The following DACH2 variants were observed in gnomAD, a reference collection of about 807,000 sequenced individuals.
DACH2 encodes dachshund family transcription factor 2.
A neutral mutation model predicts 35.8 loss-of-function variants in DACH2; 17 were observed. The observed-to-expected ratio is 0.48, with a 90% CI of 0.33 to 0.71. DACH2 has a LOEUF of 0.71. DACH2 is among the 30% of genes least tolerant of loss of function. The pLI is 0.02. For synonymous variants in DACH2, 195 were observed against 177.3 expected, an observed-to-expected ratio of 1.10 and a Z score of -0.79; for missense variants, 469 against 472.7, an observed-to-expected ratio of 0.99 and a Z score of 0.07.
chrX:86,488,846 A>G (rs912097982), intron 2 of DACH2, among the ~76,000 whole-genome samples: 2 of 111,837 alleles, frequency 1.8e-5, no homozygotes, highest in East Asian at 5.6e-4. Flanking sequence ...AAAGTATTAA[A>G]TGAGTCAATA....
chrX:86,391,282 TAAAAAAAAAAAAAAAA>T (rs55941702), intron 2 of DACH2, among the ~76,000 whole-genome samples: 9 of 21,432 alleles, frequency 4.2e-4, no homozygotes, highest in Admixed American at 1.9e-3. Flanking sequence ...GGCTCTGTCT[TAAAAAAAAAAAAAAAA>T]AAAAAAAAAA....
chrX:86,684,701 T>C (rs1347624154), intron 4 of DACH2, among the ~76,000 whole-genome samples: 1 of 110,710 alleles, frequency 9.0e-6, no homozygotes, highest in Non-Finnish European at 1.9e-5. Context: ...TGTAAATATA[T>C]AATATTACAA....
intron 3 of DACH2, among the ~76,000 whole-genome samples, chrX:86,631,008 T>A (rs756348051): frequency 8.9e-6 from 1 of 112,167 alleles, no homozygotes; most frequent in Non-Finnish European, 1.9e-5. Flanking sequence ...ATAGTCAACT[T>A]CTAGTGCTCA....
chrX:86,743,314 G>A (rs925352749), intron 7 of DACH2, among the ~76,000 whole-genome samples: 2 of 111,117 alleles, frequency 1.8e-5, no homozygotes, highest in Non-Finnish European at 3.8e-5. Flanking sequence ...GTTCAAGGAA[G>A]ATAGAGAAAG....
rs148396607 is a variant in DACH2, at chrX:86,237,171, G to A, written c.488+88063G>A. Among the ~76,000 whole-genome samples the A allele has an allele frequency of 1.5e-3, 168 of 111,614 alleles. 3 individuals are homozygous for A. In the East Asian group the frequency reaches 0.046, roughly 31 times the overall value. On this transcript the variant is annotated intron_variant, in intron 1 of 11. Coordinates refer to ENST00000373125, the MANE Select transcript of DACH2 (RefSeq NM_053281.3). ...GTCTTGCACTGAAAGTTCTTCTGGC[G>A]CAATAACACACATAGGGCTGCCATC... is the stretch of plus-strand genomic sequence containing the variant.
chrX:86,337,160 AT>A (rs2035326856), intron 1 of DACH2, among the ~76,000 whole-genome samples: 1 of 111,410 alleles, frequency 9.0e-6, no homozygotes, highest in Non-Finnish European at 1.9e-5. Flanking sequence ...TCTTCAGGAT[AT>A]TACCCAGGAG....
At chrX:86,421,957 C>A (rs914450155) in intron 2 of DACH2, among the ~76,000 whole-genome samples, 2 of 111,007 alleles carry the variant, frequency 1.8e-5, no homozygotes, top group African/African-American at 3.3e-5. Flanking sequence ...TGTAATACAC[C>A]AAGTGAGAGA....
At chrX:86,794,438 T>C (rs1200050310) in intron 7 of DACH2, among the ~76,000 whole-genome samples, 1 of 110,953 alleles carries the variant, frequency 9.0e-6, no homozygotes, top group Non-Finnish European at 1.9e-5. Context: ...ACCACTATTG[T>C]GTTACAGTTT....
At chrX:86,759,948 T>TTTC (rs2041864590) in intron 7 of DACH2, among the ~76,000 whole-genome samples, 1 of 112,116 alleles carries the variant, frequency 8.9e-6, no homozygotes, top group Non-Finnish European at 1.9e-5. Context: ...GAAAAAATTA[T>TTTC]TTCTTCTTAA....
chrX:86,567,266 C>A (rs1178655455), intron 3 of DACH2, among the ~76,000 whole-genome samples: 1 of 111,689 alleles, frequency 9.0e-6, no homozygotes, highest in Admixed American at 9.5e-5. Flanking sequence ...TCATGATTAT[C>A]TTTTTTCCAA....
intron 7 of DACH2, among the ~76,000 whole-genome samples, chrX:86,789,338 T>C (rs978222192): frequency 8.9e-6 from 1 of 111,911 alleles, no homozygotes; most frequent in Non-Finnish European, 1.9e-5. Flanking sequence ...AGGTTAGATC[T>C]TTAAAGGATG....
At chrX:86,299,172 G>A (rs1272842247) in intron 1 of DACH2, among the ~76,000 whole-genome samples, 1 of 112,067 alleles carries the variant, frequency 8.9e-6, no homozygotes, top group Non-Finnish European at 1.9e-5. Context: ...ACTTTTATAA[G>A]GTACACAAAT....
chrX:86,267,384 T>A (rs998560534), intron 1 of DACH2, among the ~76,000 whole-genome samples: 1 of 112,164 alleles, frequency 8.9e-6, no homozygotes, highest in Non-Finnish European at 1.9e-5. Context: ...GTTTATGGAA[T>A]TTTATGTTTG....
chrX:86,726,494 G>T (rs976069831), intron 6 of DACH2, among the ~76,000 whole-genome samples: 5 of 111,110 alleles, frequency 4.5e-5, no homozygotes, highest in Non-Finnish European at 7.5e-5. Context: ...ATTGTCCTAG[G>T]GGTGTGTGGG....
chrX:86,533,474 C>A (rs1412487924), intron 3 of DACH2, among the ~76,000 whole-genome samples: 2 of 111,388 alleles, frequency 1.8e-5, no homozygotes, highest in African/African-American at 6.5e-5. Context: ...AAATAAACTT[C>A]TCTCTGTTCT....
intron 1 of DACH2, among the ~76,000 whole-genome samples, chrX:86,340,776 A>T (rs1232013474): frequency 8.9e-6 from 1 of 112,197 alleles, no homozygotes; most frequent in Non-Finnish European, 1.9e-5. Flanking sequence ...ACACACGGAT[A>T]ATAAAGTGAA....
intron 1 of DACH2, among the ~76,000 whole-genome samples, chrX:86,199,219 T>G (rs2032078387): frequency 9.0e-6 from 1 of 111,477 alleles, no homozygotes. Flanking sequence ...TCGGCAGCAC[T>G]TCATGTTACA....
chrX:86,413,535 G>T (rs973031852), intron 2 of DACH2, among the ~76,000 whole-genome samples: 1 of 112,027 alleles, frequency 8.9e-6, no homozygotes, highest in Non-Finnish European at 1.9e-5. Context: ...TTTGTCTTCT[G>T]CACAGGCCAA....
chrX:86,445,127 A>G (rs779394084), intron 2 of DACH2, among the ~76,000 whole-genome samples: 2 of 110,306 alleles, frequency 1.8e-5, no homozygotes, highest in South Asian at 7.6e-4. Context: ...CTTATTTGAG[A>G]TATTTCCTTT....
Sources: allele counts gnomAD v4.1 joint callset (sites outside exome capture counted in the v4.1 genomes callset), GRCh38; gene constraint gnomAD v4.1.1; transcripts MANE v1.5; gene names NCBI Gene and HGNC (gene_info 2026-07-23, HGNC 2026-07-21).